Variants in LAPTM5 observed in about 807,000 individuals in gnomAD.
The protein encoded by LAPTM5 is lysosomal-associated transmembrane protein 5.
In LAPTM5, 11 loss-of-function variants were observed where a neutral mutation model predicts 30.1. The observed-to-expected ratio is 0.37, with a 90% confidence interval of 0.23 to 0.60. The LOEUF (loss-of-function observed/expected upper bound fraction) is 0.60, where lower values mean the gene tolerates loss of function less well. LAPTM5 is among the 20% of genes least tolerant of loss of function. The pLI is 0.71. For synonymous variants in LAPTM5, 151 were observed against 137.9 expected (o/e 1.10, Z -0.67); for missense variants, 324 against 332.5 (o/e 0.97, Z 0.20).
At position 30,739,685 on chromosome 1, in the gene LAPTM5, C is replaced by T; in HGVS notation, c.387+124G>A. 2.6e-6 allele frequency: 3 copies of T among 1,174,896 alleles called. No homozygotes were observed. Among genetic ancestry groups the T allele is most frequent in the East Asian group, 2.8e-5 (1 of 35,250 alleles). 72.8% of individuals were successfully genotyped at this position (1,174,896 alleles called of 1,614,324 possible). A position where few individuals can be genotyped will look rare whatever the true frequency, so the allele number is the denominator to read the frequency against. On this transcript the variant is annotated intron_variant, in intron 4 of 7. Coordinates refer to ENST00000294507, the MANE Select transcript of LAPTM5 (RefSeq NM_006762.3). The surrounding 1 kb of genome is among the most constrained non-coding windows in gnomAD (Gnocchi z 4.2). The stretch of plus-strand genomic sequence containing the variant: ...GGGACTCAGAGACTGGGTCAAGACA[C>T]CAGCCAGGAAGAGGGCTCCTACCCT...
chr1:30,740,340 G>A (rs1317661088), intron 3 of LAPTM5, among the ~76,000 whole-genome samples: 3 of 152,018 alleles, frequency 2.0e-5, no homozygotes, highest in African/African-American at 7.3e-5. Context: ...AGGGAGGGGC[G>A]GGGCACTGGA....
At chr1:30,742,070 G>C (rs1470260603) in intron 2 of LAPTM5, 5 of 367,462 alleles carry the variant, frequency 1.4e-5, no homozygotes, top group South Asian at 2.9e-5. Context: ...AGCAAGGTGT[G>C]GGGTGGAGAA....
At chr1:30,753,072 G>T (rs953513932) in intron 1 of LAPTM5, among the ~76,000 whole-genome samples, 2 of 141,422 alleles carry the variant, frequency 1.4e-5, no homozygotes, top group Admixed American at 7.4e-5. Flanking sequence ...ATGAGCCACC[G>T]CACCTGGCCG....
intron 7 of LAPTM5, among the ~76,000 whole-genome samples, chr1:30,734,338 T>G (rs1639857371): frequency 6.6e-6 from 1 of 152,196 alleles, no homozygotes; most frequent in African/African-American, 2.4e-5. Context: ...GACATACTCC[T>G]GGGACCTTCT....
In LAPTM5 at chr1:30,746,205, C is replaced by T. The variant is rs1640041729; in HGVS notation, c.88-3656G>A. 6.6e-6 allele frequency: 1 copy of T among 152,346 alleles called. No individual in the cohort carries two copies. Among genetic ancestry groups the T allele is most frequent in the African/African-American group, 2.4e-5 (1 of 41,450 alleles). The allele number at this position is 152,346 out of a possible 1,614,324, so 9.4% of individuals were successfully genotyped here. A position where few individuals can be genotyped will look rare whatever the true frequency, so the allele number is the denominator to read the frequency against. ...ATTCTGGTCAATGAGAAGAGACCCT[C>T]ATTTTCCCCTGGGGCCATTGGGATG... On this transcript the variant is annotated intron_variant, in intron 1 of 7. Coordinates refer to ENST00000294507, the MANE Select transcript of LAPTM5 (RefSeq NM_006762.3). This position sits in a 1 kb window ranked among gnomAD's most constrained non-coding sequence, Gnocchi z 4.0.
Position 30,739,216 on chromosome 1 carries a change from G to T in LAPTM5, c.388-154C>A. The T allele has an allele frequency of 1.0e-6, 1 of 967,234 alleles. No homozygotes were observed. Among genetic ancestry groups the T allele is most frequent in the Non-Finnish European group, 1.5e-6 (1 of 673,550 alleles). The allele number at this position is 967,234 out of a possible 1,614,324, so 59.9% of individuals were successfully genotyped here. On this transcript the variant is annotated intron_variant, in intron 4 of 7. Coordinates refer to ENST00000294507, the MANE Select transcript of LAPTM5 (RefSeq NM_006762.3). This position sits in a 1 kb window ranked among gnomAD's most constrained non-coding sequence, Gnocchi z 4.2. Reference sequence around the variant, plus strand: ...GTGCACAGAGAGACATGAACACACAGATGTTCATACCAAGAGCTGGTGGCA... The same window carrying T: ...GTGCACAGAGAGACATGAACACACATATGTTCATACCAAGAGCTGGTGGCA...
In LAPTM5 at chr1:30,740,439, T is replaced by C. The variant is rs138437828; in HGVS notation, c.259-502A>G. Among the ~76,000 whole-genome samples, 19 of 100,012 alleles carry C rather than the reference T, an allele frequency of 1.9e-4. No homozygotes were observed. The East Asian group carries it at 4.3e-3, about 22-fold the overall frequency. The allele number at this position is 100,012 out of a possible 152,430, so 65.6% of individuals were successfully genotyped here. On this transcript the variant is annotated intron_variant, in intron 3 of 7. Transcript: ENST00000294507. ...ACTCCCCACCACGCCCCGCATACAA[T>C]TGGACCTTCCTCCACCAGCCACTCC...
rs1055838962 is a variant in LAPTM5 at position 30,746,844 on chromosome 1, G to C, written c.88-4295C>G. 1.3e-5 allele frequency among the ~76,000 whole-genome samples: 2 copies of C among 152,188 alleles called. No homozygotes were observed. The highest frequency in any genetic ancestry group is 2.9e-5 in the Non-Finnish European group (2 of 68,034). On this transcript the variant is annotated intron_variant, in intron 1 of 7. Coordinates refer to ENST00000294507, the MANE Select transcript of LAPTM5 (RefSeq NM_006762.3). The surrounding 1 kb of genome is among the most constrained non-coding windows in gnomAD (Gnocchi z 4.0). ...CTCACAGGATTGCTGAGGTCAAATG[G>C]AATCGTGTGGTGCGCGGAGCCGGGC...
intron 1 of LAPTM5, among the ~76,000 whole-genome samples, chr1:30,757,336 T>C (rs1401916347): frequency 6.6e-6 from 1 of 152,156 alleles, no homozygotes; most frequent in Non-Finnish European, 1.5e-5. Context: ...TGCACACAAA[T>C]AACCTTCCGG....
At position 30,739,888 on chromosome 1, in the gene LAPTM5, T is replaced by C; in HGVS notation, c.308A>G (p.Tyr103Cys). Residue 103 changes from tyrosine to cysteine, a missense_variant, in exon 4 of 8, where the codon TAT becomes TGT. By Grantham distance (194) the Tyr-to-Cys change is radical (BLOSUM62 -2). Coordinates refer to ENST00000294507, the MANE Select transcript of LAPTM5 (RefSeq NM_006762.3). The surrounding 1 kb of genome is among the most constrained non-coding windows in gnomAD (Gnocchi z 4.2). ...LPFLSLQIMD[Y>C]LLCLLTLLGS... ...CAGCAGGGTGAGCAGGCACAGGAGA[T>C]AGTCCATGATTTGCAGGGACAGGAA... 1 of 1,606,808 alleles carries C rather than the reference T, an allele frequency of 6.2e-7. No homozygotes were observed. The highest frequency in any genetic ancestry group is 8.5e-7 in the Non-Finnish European group (1 of 1,176,096).
In LAPTM5 at chr1:30,739,469, T is replaced by G. The variant is rs1639936659; in HGVS notation, c.387+340A>C. Among the ~76,000 whole-genome samples the G allele has an allele frequency of 6.6e-6, 1 of 152,166 alleles. No individual in the cohort carries two copies. Among genetic ancestry groups the G allele is most frequent in the South Asian group, 2.1e-4 (1 of 4,832 alleles). ...CTTGGTTCCAAAGAAGAAATAATAC[T>G]GGGGGCTGGGGGCTAAAAAGCGCAC... On this transcript the variant is annotated intron_variant, in intron 4 of 7. Coordinates refer to ENST00000294507, the MANE Select transcript of LAPTM5 (RefSeq NM_006762.3). This position sits in a 1 kb window ranked among gnomAD's most constrained non-coding sequence, Gnocchi z 4.2.
intron 1 of LAPTM5, among the ~76,000 whole-genome samples, chr1:30,745,353 C>T (rs1161475254): frequency 6.6e-6 from 1 of 152,218 alleles, no homozygotes; most frequent in African/African-American, 2.4e-5. Flanking sequence ...GCCACCCGGG[C>T]TCTGCCTAAG....
chr1:30,739,211 A>ATCTGTGTGTTCATGT lies in LAPTM5; in HGVS notation c.388-150_388-149insACATGAACACACAGA. The ATCTGTGTGTTCATGT allele has an allele frequency of 4.9e-6, 5 of 1,027,134 alleles. No individual in the cohort carries two copies. The highest frequency in any genetic ancestry group is 6.9e-6 in the Non-Finnish European group (5 of 724,568). 63.6% of individuals were successfully genotyped at this position (1,027,134 alleles called of 1,614,324 possible). On this transcript the variant is annotated intron_variant, in intron 4 of 7. Transcript: ENST00000294507. The surrounding 1 kb of genome is among the most constrained non-coding windows in gnomAD (Gnocchi z 4.2). ...CCCCTGTGCACAGAGAGACATGAAC[A>ATCTGTGTGTTCATGT]CACAGATGTTCATACCAAGAGCTGG... is the stretch of plus-strand genomic sequence containing the variant.
chr1:30,739,400 T>G lies in LAPTM5; in HGVS notation c.388-338A>C, dbSNP rs1639935354. On this transcript the variant is annotated intron_variant, in intron 4 of 7. Transcript: ENST00000294507. The surrounding 1 kb of genome is among the most constrained non-coding windows in gnomAD (Gnocchi z 4.2). ...CAGCAGCCCTCAAGCCACCCCACAG[T>G]GGGCGCTCACTGGCATGAATCATCC... Among the ~76,000 whole-genome samples the G allele has an allele frequency of 6.6e-6, 1 of 152,202 alleles. No homozygotes were observed. Among genetic ancestry groups the G allele is most frequent in the Admixed American group, 6.5e-5 (1 of 15,286 alleles).
intron 1 of LAPTM5, among the ~76,000 whole-genome samples, chr1:30,745,520 C>T (rs1458295107): frequency 6.6e-6 from 1 of 152,108 alleles, no homozygotes; most frequent in African/African-American, 2.4e-5. Flanking sequence ...CCAGGCTCAC[C>T]CTCCCCCATT....
intron 1 of LAPTM5, among the ~76,000 whole-genome samples, chr1:30,749,185 C>A (rs182863212): frequency 6.6e-6 from 1 of 152,310 alleles, no homozygotes; most frequent in African/African-American, 2.4e-5. Flanking sequence ...GAGTTAGCTA[C>A]CCGCAACCAC....
chr1:30,752,684 G>T (rs527332980), intron 1 of LAPTM5, among the ~76,000 whole-genome samples: 5 of 152,340 alleles, frequency 3.3e-5, no homozygotes, highest in Admixed American at 2.0e-4. Flanking sequence ...TGGCAGACTG[G>T]CCCCTCAAGG....
chr1:30,747,065 C>T (rs953041894), intron 1 of LAPTM5, among the ~76,000 whole-genome samples: 3 of 152,196 alleles, frequency 2.0e-5, no homozygotes, highest in African/African-American at 7.2e-5. Context: ...AGAGCCATGA[C>T]AGAGGACACG....
chr1:30,750,711 C>T (rs1640123542), intron 1 of LAPTM5, among the ~76,000 whole-genome samples: 1 of 152,212 alleles, frequency 6.6e-6, no homozygotes, highest in Non-Finnish European at 1.5e-5. Context: ...CACCTGGGCT[C>T]GGGTTCTTTA....
Sources: gnomAD v4.1 joint callset for allele counts (sites outside exome capture counted in the v4.1 genomes callset) on GRCh38, gnomAD v4.1.1 for gene constraint, Gnocchi (gnomAD v3.1) non-coding constraint, MANE v1.5 for transcripts, NCBI Gene and HGNC (gene_info 2026-07-23, HGNC 2026-07-21) for gene names.